KANSL1L: variants seen among roughly 807,000 people sequenced by gnomAD.
KANSL1L encodes KAT8 regulatory NSL complex subunit 1-like protein.
KANSL1L carries 25 observed loss-of-function variants against 108.6 expected under a neutral mutation model. The observed-to-expected ratio is 0.23, with a 90% CI of 0.17 to 0.32. The LOEUF is 0.32. Among genes scored for constraint, KANSL1L ranks in the 10% least tolerant of loss-of-function variants. The probability of loss-of-function intolerance (pLI) is 1.00; values close to 1 mark genes in which losing one functional copy is unlikely to be tolerated. For missense variants in KANSL1L, 1,137 were observed against 1,125.7 expected (o/e 1.01, Z -0.14); for synonymous variants, 405 against 395.1 (o/e 1.03, Z -0.30).
In KANSL1L at chr2:210,075,728, A is replaced by ATTC; in HGVS notation, c.1578_1579insGAA (p.Ser526_Ser527insGlu). 2 of 1,613,928 alleles carry ATTC rather than the reference A, an allele frequency of 1.2e-6. No homozygotes were observed. Among genetic ancestry groups the ATTC allele is most frequent in the South Asian group, 2.2e-5 (2 of 91,068 alleles). ...TGGTTAAGTAACCAGCTACTGGAGGAAGACAGCTCATCTAAATTCTCTGAT... is the reference window on the plus strand; with the variant it reads ...TGGTTAAGTAACCAGCTACTGGAGGATTCAGACAGCTCATCTAAATTCTCTGAT... On this transcript the variant is annotated inframe_insertion, in exon 6 of 15. Coordinates refer to ENST00000281772, the MANE Select transcript of KANSL1L (RefSeq NM_152519.4).
intron 6 of KANSL1L, among the ~76,000 whole-genome samples, chr2:210,058,958 C>G (rs1315845517): frequency 6.6e-6 from 1 of 151,936 alleles, no homozygotes; most frequent in African/African-American, 2.4e-5. Context: ...TACTCTTTCC[C>G]TTTATTTCTC....
intron 8 of KANSL1L, among the ~76,000 whole-genome samples, chr2:210,034,403 A>G (rs2094070719): frequency 6.6e-6 from 1 of 152,192 alleles, no homozygotes; most frequent in Non-Finnish European, 1.5e-5. Context: ...CAATGGCCCA[A>G]GGGAACAGGA....
chr2:210,035,604 G>A (rs1014667238), intron 8 of KANSL1L, among the ~76,000 whole-genome samples: 2 of 151,952 alleles, frequency 1.3e-5, no homozygotes, highest in East Asian at 1.9e-4. Context: ...TCAGCCTCCC[G>A]AGTAGCTGGG....
At chr2:210,106,802 G>A (rs370001722) in intron 3 of KANSL1L, among the ~76,000 whole-genome samples, 3 of 151,594 alleles carry the variant, frequency 2.0e-5, no homozygotes, top group Non-Finnish European at 4.4e-5. Context: ...CAGGGAGACC[G>A]TCATAGTCAA....
At chr2:210,031,606 T>A in intron 8 of KANSL1L, 60 bp from the exon 9 acceptor site, 1 of 1,097,948 alleles carries the variant, frequency 9.1e-7, no homozygotes, top group Non-Finnish European at 1.3e-6. Flanking sequence ...AGTGAACATG[T>A]CAATCTGTTT....
At position 210,109,539 on chromosome 2, in the gene KANSL1L, G is replaced by A. The variant is rs555842131; in HGVS notation, c.1231-5238C>T. 5.9e-5 allele frequency among the ~76,000 whole-genome samples: 9 copies of A among 152,140 alleles called. No homozygotes were observed. In the South Asian group the frequency reaches 1.0e-3, roughly 18 times the overall value. The stretch of plus-strand genomic sequence containing the variant: ...GATTGCATAAGAACTCATTTGTATC[G>A]CTGATTCTTTGGGAAAAATAGATCA... On this transcript the variant is annotated intron_variant, in intron 3 of 14. Transcript: ENST00000281772.
chr2:210,168,641 T>G (rs1178623188), intron 1 of KANSL1L, among the ~76,000 whole-genome samples: 1 of 152,090 alleles, frequency 6.6e-6, no homozygotes, highest in Non-Finnish European at 1.5e-5. Context: ...GCATCAAAAT[T>G]GGATGAAGTT....
chr2:210,068,640 T>C (rs1003361147), intron 6 of KANSL1L, among the ~76,000 whole-genome samples: 18 of 152,314 alleles, frequency 1.2e-4, no homozygotes, highest in African/African-American at 4.3e-4. Flanking sequence ...TGCAACTGAG[T>C]TGTTCTATCA....
At chr2:210,132,526 T>A (rs1006919186) in intron 2 of KANSL1L, among the ~76,000 whole-genome samples, 5 of 152,174 alleles carry the variant, frequency 3.3e-5, no homozygotes, top group Non-Finnish European at 5.9e-5. Context: ...TCAATTCCCA[T>A]CCTTGCTTGC....
intron 3 of KANSL1L, among the ~76,000 whole-genome samples, chr2:210,127,868 A>G (rs935276740): frequency 6.6e-6 from 1 of 151,254 alleles, no homozygotes; most frequent in African/African-American, 2.4e-5. Context: ...TATATCTGAT[A>G]AGAAATTAAT....
chr2:210,029,049 T>TA (rs1279406579), intron 10 of KANSL1L, 80 bp from the exon 11 acceptor site: 6 of 1,201,218 alleles, frequency 5.0e-6, no homozygotes, highest in Non-Finnish European at 7.1e-6. Context: ...GTTATGTAAA[T>TA]ATGGCAGTAC....
At chr2:210,033,207 C>T (rs7560910) in intron 8 of KANSL1L, among the ~76,000 whole-genome samples, 21,474 of 152,118 alleles carry the variant, frequency 0.14, 1,919 homozygotes, top group East Asian at 0.29. Context: ...AAGATTTCAA[C>T]GATGCACTTG....
chr2:210,050,681 A>T (rs1291351434), intron 6 of KANSL1L, among the ~76,000 whole-genome samples: 1 of 146,188 alleles, frequency 6.8e-6, no homozygotes, highest in African/African-American at 2.6e-5. Flanking sequence ...ACATAGTGAG[A>T]CCATCTCTAC....
At chr2:210,061,718 T>C (rs2094421942) in intron 6 of KANSL1L, among the ~76,000 whole-genome samples, 1 of 152,170 alleles carries the variant, frequency 6.6e-6, no homozygotes, top group African/African-American at 2.4e-5. Flanking sequence ...TAAAGTGGCT[T>C]AGACAGCAAA....
At chr2:210,034,434 C>CTA (rs1335102435) in intron 8 of KANSL1L, among the ~76,000 whole-genome samples, 1 of 152,078 alleles carries the variant, frequency 6.6e-6, no homozygotes, top group Non-Finnish European at 1.5e-5. Context: ...AACTGAACAG[C>CTA]TATGTACTGT....
chr2:210,148,543 C>CA (rs1575618034), intron 2 of KANSL1L, among the ~76,000 whole-genome samples: 1 of 152,080 alleles, frequency 6.6e-6, no homozygotes, highest in African/African-American at 2.4e-5. Flanking sequence ...CTTAAATCTA[C>CA]AAAAAACATA....
rs201628091 is a variant in KANSL1L, at chr2:210,029,941, A to C, written c.2156-23T>G. 3.4e-6 allele frequency: 4 copies of C among 1,172,942 alleles called. No homozygotes were observed. In the African/African-American group the frequency reaches 4.5e-5, roughly 13 times the overall value. The allele number at this position is 1,172,942 out of a possible 1,614,324, so 72.7% of individuals were successfully genotyped here. ...CTCCTGCCATGGAAAGAACCATTGA[A>C]TGTTACACATTAAACAAGTCTAATA... On this transcript the variant is annotated intron_variant, in intron 9 of 14. Coordinates refer to ENST00000281772, the MANE Select transcript of KANSL1L (RefSeq NM_152519.4).
intron 2 of KANSL1L, among the ~76,000 whole-genome samples, chr2:210,147,901 G>A (rs1325984762): frequency 6.6e-6 from 1 of 152,138 alleles, no homozygotes; most frequent in African/African-American, 2.4e-5. Flanking sequence ...AAGCAGGAAA[G>A]CAAGCACAAA....
chr2:210,138,651 A>C (rs972255462), intron 2 of KANSL1L, among the ~76,000 whole-genome samples: 1 of 152,236 alleles, frequency 6.6e-6, no homozygotes, highest in Non-Finnish European at 1.5e-5. Context: ...TATGGTGTAC[A>C]TATTTATATA....
Sources: gnomAD v4.1 joint callset for allele counts (sites outside exome capture counted in the v4.1 genomes callset) on GRCh38, gnomAD v4.1.1 for gene constraint, MANE v1.5 for transcripts, NCBI Gene and HGNC (gene_info 2026-07-23, HGNC 2026-07-21) for gene names.